FANCD2: variants seen among roughly 807,000 people sequenced by gnomAD.
FANCD2 encodes the protein FA complementation group D2.
FANCD2 carries 131 observed loss-of-function variants against 192.3 expected under a neutral mutation model. That is an observed-to-expected ratio of 0.68 (90% CI 0.59 to 0.79). FANCD2 has a LOEUF of 0.79. Ranked by LOEUF, FANCD2 falls within the 30% of genes least tolerant of loss-of-function variation. The pLI is 0.00. For missense variants in FANCD2, 1,508 were observed against 1,701.6 expected (o/e 0.89, Z 2.00); for synonymous variants, 524 against 612.5 (o/e 0.86, Z 2.13).
At chr3:10,053,199 T>TA (rs2087269290) in intron 18 of FANCD2, among the ~76,000 whole-genome samples, 2 of 149,736 alleles carry the variant, frequency 1.3e-5, no homozygotes, top group Admixed American at 6.7e-5. Context: ...TATGCAGCCA[T>TA]AAAAAATGAT....
chr3:10,079,903 A>G (rs1177423066), intron 30 of FANCD2, among the ~76,000 whole-genome samples: 1 of 149,608 alleles, frequency 6.7e-6, no homozygotes, highest in Non-Finnish European at 1.5e-5. Flanking sequence ...TTCTTGATTC[A>G]TTTTTCTTCT....
chr3:10,075,729 T>A (rs1693498090), intron 29 of FANCD2, among the ~76,000 whole-genome samples: 1 of 9,114 alleles, frequency 1.1e-4, no homozygotes. Context: ...AATAGTATCC[T>A]TTTTTTTTTT....
chr3:10,026,945 T>C (rs796796462), intron 1 of FANCD2, among the ~76,000 whole-genome samples: 5 of 151,022 alleles, frequency 3.3e-5, no homozygotes, highest in African/African-American at 1.2e-4. Flanking sequence ...AGAGTAAGTA[T>C]AGGTGGTGAA....
intron 4 of FANCD2, 55 bp from the exon 5 acceptor site, chr3:10,034,640 C>A: frequency 6.6e-7 from 1 of 1,511,876 alleles, no homozygotes; most frequent in Non-Finnish European, 9.2e-7. Context: ...TGATTTTTAA[C>A]AGCAAATATT....
intron 14 of FANCD2, among the ~76,000 whole-genome samples, chr3:10,044,069 A>G (rs2086936343): frequency 6.6e-6 from 1 of 152,170 alleles, no homozygotes; most frequent in African/African-American, 2.4e-5. Context: ...CACTCTGGCT[A>G]TAAAATAAGC....
At position 10,084,682 on chromosome 3, in the gene FANCD2, C is replaced by T. The variant is rs116340149; in HGVS notation, c.3225-1130C>T. ...GCTATGGTAGACCAAAAACCTGACACCTAATAGGCCCTCAGAATACATTTG... is the reference window on the plus strand; with the variant it reads ...GCTATGGTAGACCAAAAACCTGACATCTAATAGGCCCTCAGAATACATTTG... On this transcript the variant is annotated intron_variant, in intron 32 of 43. Coordinates refer to ENST00000675286, the MANE Select transcript of FANCD2 (RefSeq NM_001018115.3). 3.2e-3 allele frequency among the ~76,000 whole-genome samples: 480 copies of T among 152,274 alleles called. 6 individuals carry two copies. The highest frequency in any genetic ancestry group is 0.011 in the African/African-American group (460 of 41,546).
chr3:10,096,562 C>A, intron 42 of FANCD2, 90 bp downstream of exon 42: 2 of 1,217,486 alleles, frequency 1.6e-6, no homozygotes, highest in Non-Finnish European at 2.4e-6. Context: ...CCTAAGCCCT[C>A]GTCTCTCAGT....
At chr3:10,047,435 A>G (rs1219048309) in intron 15 of FANCD2, among the ~76,000 whole-genome samples, 1 of 152,298 alleles carries the variant, frequency 6.6e-6, no homozygotes, top group Non-Finnish European at 1.5e-5. Context: ...TTAACTGGTT[A>G]TTTAGTCTGG....
At chr3:10,071,478 C>T (rs1450193275) in intron 26 of FANCD2, among the ~76,000 whole-genome samples, 12 of 152,120 alleles carry the variant, frequency 7.9e-5, no homozygotes, top group East Asian at 7.7e-4. Context: ...AAATGTGGTC[C>T]GTATACACAA....
In FANCD2 at chr3:10,065,942, G is replaced by A. The variant is rs763986919; in HGVS notation, c.2348G>A (p.Cys783Tyr). 22 of 1,613,052 alleles carry A rather than the reference G, an allele frequency of 1.4e-5. No individual in the cohort carries two copies. In the Admixed American group the frequency reaches 3.5e-4, roughly 26 times the overall value. ...SMSAKERSFM[C>Y]SLIFLTLNWF... is the part of the protein sequence containing the mutation. ...TCTGCTAAAGAGCGTTCATTCATGTGTTCTCTCATATTTCTTACTCTCAAC... is the reference window on the plus strand; with the variant it reads ...TCTGCTAAAGAGCGTTCATTCATGTATTCTCTCATATTTCTTACTCTCAAC... Residue 783 changes from cysteine to tyrosine, a missense_variant, in exon 25 of 44, where the codon TGT becomes TAT. Physicochemically the swap from Cys to Tyr is radical, Grantham distance 194. Coordinates refer to ENST00000675286, the MANE Select transcript of FANCD2 (RefSeq NM_001018115.3).
At chr3:10,076,479 A>G (rs1430866936) in intron 29 of FANCD2, among the ~76,000 whole-genome samples, 2 of 152,116 alleles carry the variant, frequency 1.3e-5, no homozygotes, top group Admixed American at 6.5e-5. Context: ...GACATGCTTG[A>G]CTTTATTATA....
intron 21 of FANCD2, 99 bp downstream of exon 21, chr3:10,064,010 T>G: frequency 3.2e-6 from 5 of 1,548,918 alleles, no homozygotes; most frequent in Non-Finnish European, 4.4e-6. Flanking sequence ...GATCATCCTG[T>G]GACCTCTCCT....
intron 2 of FANCD2, among the ~76,000 whole-genome samples, chr3:10,030,136 G>C (rs1218095878): frequency 8.2e-6 from 1 of 121,784 alleles, no homozygotes; most frequent in African/African-American, 3.2e-5. Flanking sequence ...GGCTCTTGTT[G>C]CCCAGTCTGG....
intron 31 of FANCD2, 32 bp from the exon 32 acceptor site, chr3:10,081,314 A>G (rs1693821303): frequency 1.9e-6 from 3 of 1,611,836 alleles, no homozygotes; most frequent in Non-Finnish European, 2.5e-6. Flanking sequence ...CAATTACTGA[A>G]GCAACTGTCC....
At chr3:10,095,878 A>ATTTTT (rs397950663) in intron 41 of FANCD2, among the ~76,000 whole-genome samples, 47 of 125,778 alleles carry the variant, frequency 3.7e-4, no homozygotes, top group African/African-American at 1.2e-3. Context: ...CTGAACAGTG[A>ATTTTT]TTTTTTTTTT....
chr3:10,059,883 A>G (rs776902141), intron 18 of FANCD2, among the ~76,000 whole-genome samples: 1 of 151,940 alleles, frequency 6.6e-6, no homozygotes, highest in Non-Finnish European at 1.5e-5. Flanking sequence ...TGCTAAAGAC[A>G]CACAGGGCTG....
chr3:10,095,329 T>C, intron 41 of FANCD2, 55 bp downstream of exon 41: 1 of 1,390,794 alleles, frequency 7.2e-7, no homozygotes, highest in Admixed American at 1.7e-5. Flanking sequence ...AATCTGCAGT[T>C]GCTATTGGGG....
At chr3:10,066,750 A>G (rs547864649) in intron 25 of FANCD2, among the ~76,000 whole-genome samples, 3 of 152,226 alleles carry the variant, frequency 2.0e-5, no homozygotes, top group South Asian at 4.2e-4. Flanking sequence ...TTTGAGACAG[A>G]GTCTTGCTCT....
intron 19 of FANCD2, among the ~76,000 whole-genome samples, chr3:10,061,896 C>T (rs975150025): frequency 6.9e-6 from 1 of 145,020 alleles, no homozygotes; most frequent in African/African-American, 2.6e-5. Flanking sequence ...CGCATGTTCT[C>T]ACTCATAGGT....
Sources: gnomAD v4.1 joint callset for allele counts (sites outside exome capture counted in the v4.1 genomes callset) on GRCh38, gnomAD v4.1.1 for gene constraint, MANE v1.5 for transcripts, NCBI Gene and HGNC (gene_info 2026-07-23, HGNC 2026-07-21) for gene names.